NOTCH2: variants seen among roughly 807,000 people sequenced by gnomAD.
NOTCH2 encodes neurogenic locus notch homolog protein 2.
NOTCH2 carries 29 observed loss-of-function variants against 235.8 expected under a neutral mutation model. The ratio of observed to expected loss-of-function variants is 0.12; its 90% CI spans 0.09 to 0.17. The LOEUF (loss-of-function observed/expected upper bound fraction) is 0.17, where lower values mean the gene tolerates loss of function less well. NOTCH2 is among the 10% of genes least tolerant of loss of function. The probability of loss-of-function intolerance (pLI) is 1.00; values close to 1 mark genes in which losing one functional copy is unlikely to be tolerated. For synonymous variants in NOTCH2, 1,086 were observed against 1,141.5 expected, an observed-to-expected ratio of 0.95 and a Z score of 0.98; for missense variants, 2,285 against 3,150.2, an observed-to-expected ratio of 0.73 and a Z score of 6.57.
chr1:120,055,812 GA>G (rs1655117388), intron 1 of NOTCH2, among the ~76,000 whole-genome samples: 1 of 151,352 alleles, frequency 6.6e-6, no homozygotes, highest in African/African-American at 2.4e-5. Flanking sequence ...CCTTTTCTGA[GA>G]AAGTAACTCC....
chr1:119,921,865 G>A (rs757195638), intron 28 of NOTCH2, 56 bp from the exon 29 acceptor site: 19 of 1,411,468 alleles, frequency 1.3e-5, no homozygotes, highest in South Asian at 4.6e-5. Flanking sequence ...TAATACAGTG[G>A]TTTTCAACAC....
At chr1:119,919,669 A>G in intron 30 of NOTCH2, 56 bp from the exon 31 acceptor site, 2 of 1,550,570 alleles carry the variant, frequency 1.3e-6, no homozygotes, top group East Asian at 2.3e-5. Flanking sequence ...AGTTAACCCT[A>G]TGGTTGAAAC....
At chr1:120,027,748 T>TA (rs1553210215) in intron 2 of NOTCH2, among the ~76,000 whole-genome samples, 1 of 151,546 alleles carries the variant, frequency 6.6e-6, no homozygotes, top group East Asian at 1.9e-4. Flanking sequence ...GTTCCTGTGT[T>TA]AGTTTGCTGA....
chr1:119,978,356 G>C (rs1372602979), intron 5 of NOTCH2, among the ~76,000 whole-genome samples: 1 of 152,120 alleles, frequency 6.6e-6, no homozygotes, highest in Non-Finnish European at 1.5e-5. Context: ...CCAAAGACAA[G>C]GAGGACCCAT....
Position 120,069,477 on chromosome 1 carries a change from A to G in NOTCH2, c.-71T>C, listed in dbSNP as rs1230147146. The G allele has an allele frequency of 6.7e-7, 1 of 1,498,000 alleles. No homozygotes were observed. The highest frequency in any genetic ancestry group is 8.8e-7 in the Non-Finnish European group (1 of 1,133,724). The allele number at this position is 1,498,000 out of a possible 1,614,324, so 92.8% of individuals were successfully genotyped here. ...AGATCCACATGGGGAGGGGGTCCCG[A>G]TAGAGGAGCCCCACTCTCTCCTCCC... is the stretch of plus-strand genomic sequence containing the variant. On this transcript the variant is annotated 5_prime_UTR_variant, in exon 1 of 34. Transcript: ENST00000256646.
chr1:119,948,290 G>T, intron 17 of NOTCH2, 124 bp downstream of exon 17: 1 of 989,014 alleles, frequency 1.0e-6, no homozygotes. Flanking sequence ...TGTTAAATAT[G>T]CTGGATAAAT....
At position 119,922,738 on chromosome 1, in the gene NOTCH2, G is replaced by C; in HGVS notation, c.4900C>G (p.Gln1634Glu). Residue 1634 changes from glutamine (Q) to glutamate (E), a missense_variant, in exon 27 of 34, where the codon CAA becomes GAA. By Grantham distance (29) the Gln-to-Glu change is conservative. Around this residue, in one of 6 missense-constraint regions of NOTCH2, gnomAD observed 1,173 missense variants for 1,515.3 expected, o/e 0.77. Coordinates refer to ENST00000256646, the MANE Select transcript of NOTCH2 (RefSeq NM_024408.4). The stretch of plus-strand genomic sequence containing the variant: ...TTCTTGAAGCAGTGGTCTGAGTCTT[G>C]AACACACTGGCGGTTGTCAATTTCC... ...FLEIDNRQCVQDSDHCFKNTD... is the reference protein window; with the variant it reads ...FLEIDNRQCVEDSDHCFKNTD... 1 of 1,614,214 alleles carries C rather than the reference G, an allele frequency of 6.2e-7. No individual in the cohort carries two copies. Among genetic ancestry groups the C allele is most frequent in the Non-Finnish European group, 8.5e-7 (1 of 1,180,042 alleles).
chr1:120,047,816 G>A (rs200665753), intron 1 of NOTCH2, among the ~76,000 whole-genome samples: 2,205 of 128,332 alleles, frequency 0.017, 19 homozygotes, highest in East Asian at 0.038. Context: ...CCAGGTTGGA[G>A]TGCAATGGCG....
Position 119,955,108 on chromosome 1 carries a change from G to A in NOTCH2, c.2151C>T (p.Cys717=), listed in dbSNP as rs1650633983. 1 of 1,614,032 alleles carries A rather than the reference G, an allele frequency of 6.2e-7. No individual in the cohort carries two copies. Among genetic ancestry groups the A allele is most frequent in the African/African-American group, 1.3e-5 (1 of 74,920 alleles). Residue 717 remains cysteine (C), a synonymous_variant, in exon 13 of 34, where the codon TGC becomes TGT. Transcript: ENST00000256646. The part of the protein sequence containing the change: ...ICPEGPHHPS[C]YSQVNECLSN... The stretch of plus-strand genomic sequence containing the variant: ...TCAGGCATTCGTTCACCTGTGAGTA[G>A]CAGCTGGGGTGATGGGGTCCCTCGG...
intron 1 of NOTCH2, among the ~76,000 whole-genome samples, chr1:120,037,936 A>G (rs1570772722): frequency 6.6e-6 from 1 of 152,228 alleles, no homozygotes; most frequent in Non-Finnish European, 1.5e-5. Context: ...TTGTATTACT[A>G]ATAGACTTTT....
At chr1:119,951,194 C>A (rs1358319699) in intron 14 of NOTCH2, among the ~76,000 whole-genome samples, 3 of 152,146 alleles carry the variant, frequency 2.0e-5, no homozygotes, top group Non-Finnish European at 2.9e-5. Context: ...TCTTGTCATT[C>A]AGGCTGGAGT....
In NOTCH2 at chr1:119,967,518, G is replaced by A. The variant is rs782225631; in HGVS notation, c.1368C>T (p.Asp456=). Residue 456 remains aspartate (D), a synonymous_variant, in exon 8 of 34, where the codon GAC becomes GAT. Coordinates refer to ENST00000256646, the MANE Select transcript of NOTCH2 (RefSeq NM_024408.4). ...KGYAGPRCEM[D]INECHSDPCQ... ...AGGGGTCTGAATGGCACTCATTGAT[G>A]TCCATCTCACAACGAGGTCCTGCAT... 2.5e-6 allele frequency: 4 copies of A among 1,614,006 alleles called. No homozygotes were observed. Among genetic ancestry groups the A allele is most frequent in the Non-Finnish European group, 3.4e-6 (4 of 1,179,892 alleles).
At chr1:119,966,164 G>A (rs1651126632) in intron 9 of NOTCH2, among the ~76,000 whole-genome samples, 1 of 152,316 alleles carries the variant, frequency 6.6e-6, no homozygotes, top group African/African-American at 2.4e-5. Context: ...GGCCATTCAA[G>A]AATAGACTTG....
At chr1:119,988,533 C>G (rs950746475) in intron 4 of NOTCH2, among the ~76,000 whole-genome samples, 5 of 152,076 alleles carry the variant, frequency 3.3e-5, no homozygotes, top group African/African-American at 1.2e-4. Context: ...ATGAGTCTTA[C>G]AAATAGACCA....
intron 5 of NOTCH2, among the ~76,000 whole-genome samples, 154 bp downstream of exon 5, chr1:119,986,806 C>T (rs1553202273): frequency 2.0e-5 from 3 of 152,058 alleles, no homozygotes; most frequent in African/African-American, 7.2e-5. Flanking sequence ...GAGGTTAGTA[C>T]AATAAGCAAT....
intron 1 of NOTCH2, among the ~76,000 whole-genome samples, chr1:120,041,193 G>GA (rs1553212766): frequency 1.6e-5 from 2 of 127,930 alleles, no homozygotes; most frequent in African/African-American, 3.7e-5. Context: ...CTGGTCAACA[G>GA]AAAAAAATAA....
chr1:119,937,318 T>A lies in NOTCH2; in HGVS notation c.3486A>T (p.Ala1162=), dbSNP rs930487570. Residue 1162 remains alanine, a synonymous_variant, in exon 21 of 34, where the codon GCA becomes GCT. Coordinates refer to ENST00000256646, the MANE Select transcript of NOTCH2 (RefSeq NM_024408.4). ...ATCCACCAATGAAGTCACTGCATGT[T>A]GCCCCGTGCTGGCAGGGGTTGGACG... ...ECASNPCQHG[A]TCSDFIGGYR... 1.2e-6 allele frequency: 2 copies of A among 1,613,960 alleles called. No homozygotes were observed. Among genetic ancestry groups the A allele is most frequent in the Non-Finnish European group, 1.7e-6 (2 of 1,180,034 alleles).
chr1:120,005,280 A>G, intron 3 of NOTCH2, 49 bp downstream of exon 3: 1 of 1,613,836 alleles, frequency 6.2e-7, no homozygotes, highest in Admixed American at 1.7e-5. Flanking sequence ...TGCTAAATAA[A>G]GGTATCTGCT....
chr1:120,002,315 G>T (rs1652790013), intron 3 of NOTCH2, among the ~76,000 whole-genome samples: 1 of 151,460 alleles, frequency 6.6e-6, no homozygotes, highest in African/African-American at 2.4e-5. Flanking sequence ...GGACATCAAG[G>T]CTATCAAGAC....
Sources: allele counts gnomAD v4.1 joint callset (sites outside exome capture counted in the v4.1 genomes callset), GRCh38; gene constraint gnomAD v4.1.1; regional missense constraint gnomAD v4.1.1; transcripts MANE v1.5; gene names NCBI Gene and HGNC (gene_info 2026-07-23, HGNC 2026-07-21).